The following USP37 variants were observed in gnomAD, a reference collection of about 807,000 sequenced individuals.
The protein encoded by USP37 is ubiquitin specific peptidase 37.
Under a neutral mutation model 124.0 loss-of-function variants are expected in USP37, and 27 were observed. The observed-to-expected ratio is 0.22, with a 90% CI of 0.16 to 0.30. USP37 has a LOEUF of 0.30. Among genes scored for constraint, USP37 ranks in the 10% least tolerant of loss-of-function variants. USP37 has a pLI of 1.00. For synonymous variants in USP37, 365 were observed against 388.0 expected (o/e 0.94, Z 0.70); for missense variants, 889 against 1,140.4 (o/e 0.78, Z 3.17).
chr2:218,560,905 T>C (rs1032596257), intron 2 of USP37, 22 bp from the exon 3 acceptor site: 16 of 152,224 alleles, frequency 1.1e-4, no homozygotes, highest in African/African-American at 3.9e-4. Context: ...AGAAGATATA[T>C]GAAAACACTT....
At chr2:218,484,562 C>T (rs1325435455) in intron 16 of USP37, among the ~76,000 whole-genome samples, 4 of 151,550 alleles carry the variant, frequency 2.6e-5, no homozygotes, top group Admixed American at 6.6e-5. Context: ...GCAGAGGTTG[C>T]GGTGAGCTGA....
intron 24 of USP37, among the ~76,000 whole-genome samples, chr2:218,456,293 T>C (rs1689694062): frequency 6.6e-6 from 1 of 150,738 alleles, no homozygotes; most frequent in South Asian, 2.1e-4. Flanking sequence ...TACAAAAAAT[T>C]TAAAAAAATT....
intron 10 of USP37, among the ~76,000 whole-genome samples, chr2:218,523,014 G>A (rs570641846): frequency 2.4e-4 from 36 of 151,636 alleles, no homozygotes; most frequent in East Asian, 3.9e-4. Context: ...GGTGGCTTAC[G>A]CTTGTAATCC....
chr2:218,504,132 T>TA (rs1689545306), intron 11 of USP37, among the ~76,000 whole-genome samples: 1 of 152,140 alleles, frequency 6.6e-6, no homozygotes, highest in Non-Finnish European at 1.5e-5. Context: ...ATAAAATACA[T>TA]AAAGTAAAAA....
chr2:218,475,924 T>TAAA (rs1292753238), intron 19 of USP37, among the ~76,000 whole-genome samples: 1 of 80,102 alleles, frequency 1.2e-5, no homozygotes. Flanking sequence ...AGACTCCGTC[T>TAAA]CAAAAAAAAA....
At chr2:218,460,546 CTA>C (rs1175393219) in intron 22 of USP37, among the ~76,000 whole-genome samples, 1 of 152,066 alleles carries the variant, frequency 6.6e-6, no homozygotes, top group Non-Finnish European at 1.5e-5. Flanking sequence ...ATGATATAAG[CTA>C]TATATGTTAG....
intron 10 of USP37, 109 bp downstream of exon 10, chr2:218,529,846 TA>T: frequency 1.3e-6 from 1 of 798,754 alleles, no homozygotes; most frequent in Middle Eastern, 2.4e-4. Context: ...TCAATTTTGT[TA>T]AATTATCATA....
At chr2:218,500,126 G>A (rs1006211873) in intron 11 of USP37, among the ~76,000 whole-genome samples, 1 of 152,080 alleles carries the variant, frequency 6.6e-6, no homozygotes, top group Non-Finnish European at 1.5e-5. Context: ...CCAGGATGGA[G>A]TGTAGTGGCG....
chr2:218,552,364 G>C (rs1441029090), intron 5 of USP37, among the ~76,000 whole-genome samples: 1 of 152,192 alleles, frequency 6.6e-6, no homozygotes, highest in Non-Finnish European at 1.5e-5. Flanking sequence ...GAAGATGACA[G>C]AGCTAAAGAC....
chr2:218,470,181 C>G (rs73074856), intron 20 of USP37, among the ~76,000 whole-genome samples: 1 of 152,126 alleles, frequency 6.6e-6, no homozygotes, highest in Non-Finnish European at 1.5e-5. Context: ...TAATTGAAAC[C>G]CACTCTCTTC....
chr2:218,534,466 G>A (rs13414408), intron 9 of USP37, 143 bp downstream of exon 9: 107,831 of 307,978 alleles, frequency 0.35, 20,090 homozygotes, highest in Non-Finnish European at 0.39. Flanking sequence ...TCCAACCTGG[G>A]CGACAGAGCA....
chr2:218,530,299 C>T (rs1691251273), intron 9 of USP37, among the ~76,000 whole-genome samples: 1 of 152,204 alleles, frequency 6.6e-6, no homozygotes, highest in Non-Finnish European at 1.5e-5. Context: ...ATTTTCCCAA[C>T]AGTATACGCT....
intron 19 of USP37, 108 bp downstream of exon 19, chr2:218,476,732 G>A (rs1691003623): frequency 8.3e-7 from 1 of 1,210,152 alleles, no homozygotes; most frequent in South Asian, 2.3e-5. Flanking sequence ...GCCAGAGAAG[G>A]CATTTTCTTT....
intron 9 of USP37, among the ~76,000 whole-genome samples, chr2:218,531,121 A>G (rs1359462885): frequency 1.3e-5 from 2 of 152,236 alleles, no homozygotes; most frequent in African/African-American, 4.8e-5. Context: ...TGTAGCTGCA[A>G]TAGCTTTATA....
intron 9 of USP37, among the ~76,000 whole-genome samples, chr2:218,533,283 A>G (rs887472424): frequency 6.6e-6 from 1 of 151,992 alleles, no homozygotes; most frequent in Admixed American, 6.6e-5. Context: ...CATTTCTACT[A>G]CTTCTTGATT....
intron 10 of USP37, among the ~76,000 whole-genome samples, chr2:218,519,599 G>A (rs1690482467): frequency 6.6e-6 from 1 of 151,612 alleles, no homozygotes; most frequent in African/African-American, 2.4e-5. Context: ...TCTCGGTTTG[G>A]TAATTCCTCA....
intron 10 of USP37, among the ~76,000 whole-genome samples, chr2:218,522,635 G>A (rs574484955): frequency 3.3e-5 from 5 of 150,966 alleles, no homozygotes; most frequent in African/African-American, 1.2e-4. Flanking sequence ...TACTTTGTGA[G>A]ACTTCAACTG....
chr2:218,553,668 G>A lies in USP37; in HGVS notation c.213C>T (p.Arg71=). ...VLRPSGAKQS[R]LMLTLQDNSF... ...TGTTATCTTGCAGAGTTAACATTAGGCGGCTTTGTTTCGCTCCACTGGGTC... is the reference window on the plus strand; with the variant it reads ...TGTTATCTTGCAGAGTTAACATTAGACGGCTTTGTTTCGCTCCACTGGGTC... Residue 71 remains arginine, a synonymous_variant, in exon 5 of 26, where the codon CGC becomes CGT. Coordinates refer to ENST00000258399, the MANE Select transcript of USP37 (RefSeq NM_020935.3). 6.2e-7 allele frequency: 1 copy of A among 1,613,870 alleles called. No homozygotes were observed. Among genetic ancestry groups the A allele is most frequent in the Non-Finnish European group, 8.5e-7 (1 of 1,179,874 alleles).
At chr2:218,544,406 A>AAAAATATAT (rs1312705279) in intron 8 of USP37, among the ~76,000 whole-genome samples, 3 of 82,972 alleles carry the variant, frequency 3.6e-5, no homozygotes, top group African/African-American at 1.4e-4. Flanking sequence ...AAAAAAAAAA[A>AAAAATATAT]ATATATATAT....
Sources: gnomAD v4.1 joint callset for allele counts (sites outside exome capture counted in the v4.1 genomes callset) on GRCh38, gnomAD v4.1.1 for gene constraint, MANE v1.5 for transcripts, NCBI Gene and HGNC (gene_info 2026-07-23, HGNC 2026-07-21) for gene names.